Variants in TUBGCP5 observed in about 807,000 individuals in gnomAD.
The protein encoded by TUBGCP5 is gamma-tubulin complex component 5.
Under a neutral mutation model 134.7 loss-of-function variants are expected in TUBGCP5, and 98 were observed. The observed-to-expected ratio is 0.73, with a 90% CI of 0.62 to 0.86. The LOEUF (loss-of-function observed/expected upper bound fraction) is 0.86. Ranked by LOEUF, TUBGCP5 falls within the 40% of genes least tolerant of loss-of-function variation. TUBGCP5 has a pLI of 0.00. For synonymous variants in TUBGCP5, 456 were observed against 431.4 expected (o/e 1.06, Z -0.71); for missense variants, 1,150 against 1,244.8 (o/e 0.92, Z 1.15).
intron 1 of TUBGCP5, 95 bp downstream of exon 1, chr15:23,039,303 C>T: frequency 8.2e-7 from 1 of 1,214,168 alleles, no homozygotes. Context: ...CCGCCCCATG[C>T]CCTGCCCCAG....
Position 23,039,396 on chromosome 15 carries a change from A to C in TUBGCP5, c.146+2T>G, listed in dbSNP as rs1567179231. ...AACCCGCCCGCGCGCCGTGCCCCAC[A>C]CCTGAAGTTGGACCAGGCGAAGTTT... On this transcript the variant is annotated splice_donor_variant, in intron 1 of 22. Transcript: ENST00000615383. LOFTEE classifies it high-confidence loss of function. 1 of 1,474,876 alleles carries C rather than the reference A, an allele frequency of 6.8e-7. No individual in the cohort carries two copies. 91.4% of individuals were successfully genotyped at this position (1,474,876 alleles called of 1,614,324 possible). A position where few individuals can be genotyped will look rare whatever the true frequency, so the allele number is the denominator to read the frequency against.
intron 23 of TUBGCP5, among the ~76,000 whole-genome samples, chr15:22,989,210 C>T (rs765669952): frequency 4.2e-4 from 64 of 152,168 alleles, no homozygotes; most frequent in African/African-American, 1.1e-3. Context: ...CATAGTCACA[C>T]GGCCCAGGGA....
chr15:23,020,114 T>TA (rs35626071), intron 11 of TUBGCP5, among the ~76,000 whole-genome samples: 15,138 of 149,866 alleles, frequency 0.1, 1,161 homozygotes, highest in East Asian at 0.46. Flanking sequence ...CCATCTCTAT[T>TA]AAAAAAAAAT....
intron 23 of TUBGCP5, among the ~76,000 whole-genome samples, chr15:22,986,141 A>AT (rs1401576203): frequency 7.6e-6 from 1 of 131,046 alleles, no homozygotes; most frequent in African/African-American, 3.1e-5. Context: ...CTCAAAAAAA[A>AT]AAAAAAAATA....
At chr15:23,031,146 A>AT (rs1171652725) in intron 5 of TUBGCP5, 126 bp from the exon 6 acceptor site, 341 of 911,682 alleles carry the variant, frequency 3.7e-4, no homozygotes, top group South Asian at 8.5e-4. Flanking sequence ...AGAAAAACAA[A>AT]TTTTTTTTTC....
chr15:22,995,723 C>G (rs1228918145), downstream of TUBGCP5, among the ~76,000 whole-genome samples: 1 of 152,118 alleles, frequency 6.6e-6, no homozygotes, highest in Non-Finnish European at 1.5e-5. Context: ...ATGCATGTAC[C>G]TGTGGGACCA....
At chr15:22,992,687 T>G (rs929884178) in intron 23 of TUBGCP5, among the ~76,000 whole-genome samples, 1 of 152,122 alleles carries the variant, frequency 6.6e-6, no homozygotes, top group Admixed American at 6.5e-5. Context: ...CTTTGGACTT[T>G]GAGGACATTG....
At chr15:23,032,400 C>T (rs1246970528) in intron 4 of TUBGCP5, among the ~76,000 whole-genome samples, 2 of 152,060 alleles carry the variant, frequency 1.3e-5, no homozygotes, top group Non-Finnish European at 2.9e-5. Context: ...TAAATAATCT[C>T]TAGATTACTT....
At chr15:23,032,077 G>A in intron 4 of TUBGCP5, 48 bp from the exon 5 acceptor site, 2 of 1,412,254 alleles carry the variant, frequency 1.4e-6, no homozygotes, top group African/African-American at 1.4e-5. Context: ...ATCTATCTTT[G>A]AAAAAAAACC....
At chr15:23,027,145 CAA>C (rs761920393) in intron 7 of TUBGCP5, 45 bp downstream of exon 7, 1 of 1,406,498 alleles carries the variant, frequency 7.1e-7, no homozygotes, top group East Asian at 2.4e-5. Context: ...GTTTAAACAT[CAA>C]AGTTTCTTCT....
Position 23,037,074 on chromosome 15 carries a change from T to C in TUBGCP5, c.200+25A>G, listed in dbSNP as rs768704411. On this transcript the variant is annotated intron_variant, in intron 2 of 22. Transcript: ENST00000615383. ...ATAAGAAAATACATATATTTCTGGA[T>C]GCGTATATATACACACTGACTTACC... 4.0e-5 allele frequency: 65 copies of C among 1,607,404 alleles called. 2 individuals carry two copies. The South Asian group carries it at 6.8e-4, about 17-fold the overall frequency.
At chr15:22,997,178 T>A (rs1402663393), downstream of TUBGCP5, among the ~76,000 whole-genome samples, 1 of 151,678 alleles carries the variant, frequency 6.6e-6, no homozygotes, top group East Asian at 1.9e-4. Context: ...CACCAATAAT[T>A]CCTTTTTTTT....
chr15:23,014,290 G>A (rs771550356), intron 13 of TUBGCP5, among the ~76,000 whole-genome samples: 1 of 152,184 alleles, frequency 6.6e-6, no homozygotes, highest in African/African-American at 2.4e-5. Context: ...AGTTTCAGAG[G>A]CTGCCCTGGC....
In TUBGCP5 at chr15:22,988,291, C is replaced by G. The variant is rs543750027; in HGVS notation, c.*62-4680G>C. 3.9e-5 allele frequency among the ~76,000 whole-genome samples: 6 copies of G among 151,956 alleles called. No homozygotes were observed. The South Asian group carries it at 1.2e-3, about 32-fold the overall frequency. On this transcript the variant is annotated intron_variant and NMD_transcript_variant, in intron 23 of 23. Transcript: ENST00000614508. ...AAAAGAGGCAGTGTGAACACAGAGG[C>G]AGAGATGGGAGTGAAGCAGCCACAC...
intron 23 of TUBGCP5, among the ~76,000 whole-genome samples, chr15:22,989,523 G>A (rs2063786070): frequency 6.6e-6 from 1 of 152,084 alleles, no homozygotes; most frequent in African/African-American, 2.4e-5. Context: ...TACTTGTCTT[G>A]GTCTGTCTTT....
At position 23,024,061 on chromosome 15, in the gene TUBGCP5, T is replaced by C; in HGVS notation, c.1054A>G (p.Lys352Glu). The C allele has an allele frequency of 6.2e-7, 1 of 1,614,120 alleles. No individual in the cohort carries two copies. Among genetic ancestry groups the C allele is most frequent in the Non-Finnish European group, 8.5e-7 (1 of 1,180,016 alleles). The change falls in exon 10 of 23, where the codon AAG (lysine) becomes GAG (glutamate). Residue 352 changes from lysine (K) to glutamate (E), a missense_variant. This residue lies in a region of TUBGCP5 where 697 missense variants were observed against 850.1 expected (regional missense o/e 0.82). Coordinates refer to ENST00000615383, the MANE Select transcript of TUBGCP5 (RefSeq NM_052903.6). ...GTTCTAAAGGGAGCTTCAGTTGACT[T>C]CTTAGGAACAGACCCACTTCCAGGC... ...MLPGSGSVPK[K>E]STEAPFRTYQ...
intron 3 of TUBGCP5, among the ~76,000 whole-genome samples, chr15:23,035,654 T>C (rs1366844326): frequency 6.6e-6 from 1 of 152,136 alleles, no homozygotes; most frequent in Non-Finnish European, 1.5e-5. Context: ...CATGGAGCCC[T>C]GTTCCTAGCA....
At chr15:23,028,379 TAAA>T (rs762310901) in intron 6 of TUBGCP5, among the ~76,000 whole-genome samples, 1,156 of 91,010 alleles carry the variant, frequency 0.013, 8 homozygotes, top group South Asian at 0.025. Context: ...GGCCCGGTCT[TAAA>T]AAAAAAAAAA....
chr15:22,987,527 G>A (rs1168599856), intron 23 of TUBGCP5, among the ~76,000 whole-genome samples: 1 of 151,974 alleles, frequency 6.6e-6, no homozygotes, highest in East Asian at 1.9e-4. Flanking sequence ...GATGGCATTA[G>A]GAGGTGGGGC....
Sources: allele counts gnomAD v4.1 joint callset (sites outside exome capture counted in the v4.1 genomes callset), GRCh38; gene constraint gnomAD v4.1.1; regional missense constraint gnomAD v4.1.1; transcripts MANE v1.5; gene names NCBI Gene and HGNC (gene_info 2026-07-23, HGNC 2026-07-21).